The following TECPR2 variants were observed in gnomAD, a reference collection of about 807,000 sequenced individuals.
TECPR2 encodes tectonin beta-propeller repeat-containing protein 2.
In TECPR2, 65 loss-of-function variants were observed where a neutral mutation model predicts 138.1. The ratio of observed to expected loss-of-function variants is 0.47; its 90% CI spans 0.39 to 0.58. TECPR2 has a LOEUF of 0.58. TECPR2 is among the 20% of genes least tolerant of loss of function. The pLI, the probability that TECPR2 is intolerant of heterozygous loss-of-function variation, is 0.00. For synonymous variants in TECPR2, 746 were observed against 749.8 expected, an observed-to-expected ratio of 0.99 and a Z score of 0.08; for missense variants, 1,553 against 1,824.5, an observed-to-expected ratio of 0.85 and a Z score of 2.71.
At chr14:102,467,353 T>C (rs1012150010) in intron 17 of TECPR2, among the ~76,000 whole-genome samples, 2 of 150,560 alleles carry the variant, frequency 1.3e-5, no homozygotes, top group African/African-American at 4.9e-5. Context: ...AGCCAGAGTT[T>C]CGCTCTTATT....
chr14:102,380,329 G>C (rs1330159460), intron 2 of TECPR2, among the ~76,000 whole-genome samples: 3 of 152,228 alleles, frequency 2.0e-5, no homozygotes, highest in African/African-American at 7.2e-5. Context: ...TTAAATGACT[G>C]TGGATTTCTC....
intron 2 of TECPR2, among the ~76,000 whole-genome samples, chr14:102,405,228 GA>G (rs1490535119): frequency 3.9e-5 from 6 of 152,122 alleles, no homozygotes; most frequent in Non-Finnish European, 8.8e-5. Context: ...AGAATCACTT[GA>G]ACCCGGGAGG....
intron 16 of TECPR2, among the ~76,000 whole-genome samples, chr14:102,452,899 G>T (rs150752182): frequency 7.2e-5 from 11 of 152,158 alleles, no homozygotes; most frequent in Non-Finnish European, 1.2e-4. Context: ...CACTCGCTGC[G>T]AGCGGCTTGA....
intron 1 of TECPR2, among the ~76,000 whole-genome samples, chr14:102,370,320 C>G (rs1316513401): frequency 6.6e-6 from 1 of 152,178 alleles, no homozygotes; most frequent in Non-Finnish European, 1.5e-5. Context: ...ATCCACCCAC[C>G]TCAGGCTCCC....
Position 102,374,667 on chromosome 14 carries a change from A to G in TECPR2, c.-72-1983A>G, listed in dbSNP as rs573788668. ...CAGCCTCATGAGTAGCTAGGACTAC[A>G]GGCATGTAGCACCATGCCTGACTAA... On this transcript the variant is annotated intron_variant, in intron 1 of 19. Transcript: ENST00000359520. 4.4e-4 allele frequency among the ~76,000 whole-genome samples: 67 copies of G among 152,322 alleles called. 1 individual carries two copies. The Middle Eastern group carries it at 0.01, about 23-fold the overall frequency.
At chr14:102,465,663 T>C (rs1273252108) in intron 17 of TECPR2, 2 of 986,356 alleles carry the variant, frequency 2.0e-6, no homozygotes, top group Non-Finnish European at 2.4e-6. Flanking sequence ...AGGTAAAAGT[T>C]ACTTTGAATC....
chr14:102,447,557 C>A (rs1287591657), intron 13 of TECPR2, among the ~76,000 whole-genome samples: 1 of 151,992 alleles, frequency 6.6e-6, no homozygotes, highest in African/African-American at 2.4e-5. Flanking sequence ...TTTTTTGAGA[C>A]GGAGTCTTGC....
At chr14:102,458,999 A>G (rs1890342640) in intron 16 of TECPR2, among the ~76,000 whole-genome samples, 1 of 148,116 alleles carries the variant, frequency 6.8e-6, no homozygotes, top group South Asian at 2.1e-4. Flanking sequence ...ATGTAATTTT[A>G]GTTTGACTCA....
rs1256923816 is a variant in TECPR2 at position 102,421,429 on chromosome 14, C to T, written c.639-3550C>T. 7.2e-5 allele frequency among the ~76,000 whole-genome samples: 11 copies of T among 152,342 alleles called. No homozygotes were observed. The East Asian group carries it at 1.9e-3, about 27-fold the overall frequency. Reference sequence around the variant, plus strand: ...TGATATATAATATCCTCCTTGGACCCTATCCAAAGGGATTTAGTTACTGAG... The same window carrying T: ...TGATATATAATATCCTCCTTGGACCTTATCCAAAGGGATTTAGTTACTGAG... On this transcript the variant is annotated intron_variant, in intron 5 of 19. Transcript: ENST00000359520.
chr14:102,464,632 G>A (rs899043686), intron 16 of TECPR2, among the ~76,000 whole-genome samples: 5 of 152,094 alleles, frequency 3.3e-5, no homozygotes, highest in Admixed American at 6.5e-5. Context: ...CGATCCACCC[G>A]CCATGGCCTC....
In TECPR2 at chr14:102,362,978, G is replaced by C; in HGVS notation, c.-211G>C. 2 of 1,294,970 alleles carry C rather than the reference G, an allele frequency of 1.5e-6. No homozygotes were observed. Among genetic ancestry groups the C allele is most frequent in the Admixed American group, 4.0e-5 (2 of 50,188 alleles). 80.2% of individuals were successfully genotyped at this position (1,294,970 alleles called of 1,614,324 possible). ...GCCGCTCTAGCCCCCGGCGGAGCCA[G>C]CTGCTGCTCTTCGGTGCTGGCCCCG... On this transcript the variant is annotated 5_prime_UTR_variant, in exon 1 of 20. Transcript: ENST00000359520.
At chr14:102,450,466 G>A in intron 14 of TECPR2, 94 bp from the exon 15 acceptor site, 1 of 1,221,804 alleles carries the variant, frequency 8.2e-7, no homozygotes. Context: ...TGGAGAAAGG[G>A]TTTGAAGGCC....
At chr14:102,477,934 C>CAA (rs1188082616) in intron 17 of TECPR2, among the ~76,000 whole-genome samples, 596 of 43,034 alleles carry the variant, frequency 0.014, 27 homozygotes, top group African/African-American at 0.031. Context: ...GACTCCGTCT[C>CAA]AAAAAAAAAA....
chr14:102,401,804 C>CAAAAAAAACAAA (rs1888493211), intron 2 of TECPR2, among the ~76,000 whole-genome samples: 1 of 68,946 alleles, frequency 1.5e-5, no homozygotes. Flanking sequence ...GACTCCGTCT[C>CAAAAAAAACAAA]AAAAAAAAAA....
At chr14:102,457,847 T>C (rs1374334647) in intron 16 of TECPR2, among the ~76,000 whole-genome samples, 1 of 147,234 alleles carries the variant, frequency 6.8e-6, no homozygotes, top group East Asian at 2.0e-4. Flanking sequence ...CTAACTTCGC[T>C]CCTCTGCTCC....
chr14:102,453,279 C>A (rs1890193221), intron 16 of TECPR2, among the ~76,000 whole-genome samples: 1 of 152,002 alleles, frequency 6.6e-6, no homozygotes, highest in Admixed American at 6.5e-5. Context: ...AGTTCGAGAC[C>A]AGCCTGGCCA....
Position 102,407,465 on chromosome 14 carries a change from A to G in TECPR2, c.347A>G (p.Gln116Arg). 1 of 1,610,438 alleles carries G rather than the reference A, an allele frequency of 6.2e-7. No individual in the cohort carries two copies. Among genetic ancestry groups the G allele is most frequent in the Non-Finnish European group, 8.5e-7 (1 of 1,178,660 alleles). The change falls in exon 3 of 20, where the codon CAG (glutamine) becomes CGG (arginine). Residue 116 changes from glutamine to arginine, a missense_variant and splice_region_variant. Transcript: ENST00000359520. ...TCTTCATTGCCAGGGAGAAATAAACAGGTGAGTACTCATGATCTTAACACG... is the reference window on the plus strand; with the variant it reads ...TCTTCATTGCCAGGGAGAAATAAACGGGTGAGTACTCATGATCTTAACACG... ...LVSSLPGRNK[Q>R]LRRFDVTGIH... is the part of the protein sequence containing the mutation.
At position 102,469,658 on chromosome 14, in the gene TECPR2, A is replaced by G. The variant is rs193110442; in HGVS notation, c.3789+4369A>G. ...TAGTCTTGTTTCTGATCTTAAGGGG[A>G]AGGCATTCAGTCTTTTACCATTAAA... is the stretch of plus-strand genomic sequence containing the variant. On this transcript the variant is annotated intron_variant, in intron 17 of 19. Coordinates refer to ENST00000359520, the MANE Select transcript of TECPR2 (RefSeq NM_014844.5). 1.5e-3 allele frequency among the ~76,000 whole-genome samples: 230 copies of G among 152,216 alleles called. 1 individual carries two copies. Among genetic ancestry groups the G allele is most frequent in the African/African-American group, 5.1e-3 (210 of 41,526 alleles).
rs1297641520 is a variant in TECPR2 at position 102,431,898 on chromosome 14, C to T, written c.1187C>T (p.Ser396Phe). 6.2e-7 allele frequency: 1 copy of T among 1,609,578 alleles called. No homozygotes were observed. The highest frequency in any genetic ancestry group is 1.7e-5 in the Admixed American group (1 of 59,950). Residue 396 changes from serine to phenylalanine, a missense_variant, in exon 8 of 20, where the codon TCT becomes TTT. Ser to Phe is a radical substitution (Grantham distance 155). Coordinates refer to ENST00000359520, the MANE Select transcript of TECPR2 (RefSeq NM_014844.5). ...GTTTCTGAGACGAGGCTCAGAGGCTCTTCCATGGCCAGCTCCGTGGCCAGC... is the reference window on the plus strand; with the variant it reads ...GTTTCTGAGACGAGGCTCAGAGGCTTTTCCATGGCCAGCTCCGTGGCCAGC... ...ATVSETRLRG[S>F]SMASSVASEP...
Sources: gnomAD v4.1 joint callset for allele counts (sites outside exome capture counted in the v4.1 genomes callset) on GRCh38, gnomAD v4.1.1 for gene constraint, MANE v1.5 for transcripts, NCBI Gene and HGNC (gene_info 2026-07-23, HGNC 2026-07-21) for gene names.